Variants in MAP3K3 observed in about 807,000 individuals in gnomAD.
MAP3K3 encodes mitogen-activated protein kinase kinase kinase 3.
MAP3K3 carries 12 observed loss-of-function variants against 80.9 expected under a neutral mutation model. The ratio of observed to expected loss-of-function variants is 0.15; its 90% CI spans 0.10 to 0.24. The LOEUF is 0.24. Among genes scored for constraint, MAP3K3 ranks in the 10% least tolerant of loss-of-function variants. The probability of loss-of-function intolerance (pLI) is 1.00; values close to 1 mark genes in which losing one functional copy is unlikely to be tolerated. For missense variants in MAP3K3, 596 were observed against 834.7 expected, an observed-to-expected ratio of 0.71 and a Z score of 3.52; for synonymous variants, 272 against 307.1, an observed-to-expected ratio of 0.89 and a Z score of 1.19.
rs775019440 is a variant in MAP3K3 at position 63,693,722 on chromosome 17, A to G, written c.1826A>G (p.Gln609Arg). Reference protein sequence around the residue: ...FLRRIFVEARQRPSAEELLTH... With the variant: ...FLRRIFVEARRRPSAEELLTH... The stretch of plus-strand genomic sequence containing the variant: ...AGGCGCATTTTTGTGGAGGCTCGCC[A>G]GAGACCTTCAGCTGAGGAGCTGCTC... Residue 609 changes from glutamine (Q) to arginine (R), a missense_variant, in exon 16 of 16, where the codon CAG becomes CGG. Transcript: ENST00000361733. This position sits in a 1 kb window ranked among gnomAD's most constrained non-coding sequence, Gnocchi z 4.2. 39 of 1,603,696 alleles carry G rather than the reference A, an allele frequency of 2.4e-5. No individual in the cohort carries two copies. The South Asian group carries it at 3.5e-4, about 15-fold the overall frequency.
At chr17:63,684,298 A>C (rs1219541288) in intron 7 of MAP3K3, among the ~76,000 whole-genome samples, 3 of 152,188 alleles carry the variant, frequency 2.0e-5, no homozygotes, top group Admixed American at 2.0e-4. Context: ...TTCCTCCACC[A>C]CACCTGCCAT....
At chr17:63,675,308 G>T (rs1235996059) in intron 6 of MAP3K3, among the ~76,000 whole-genome samples, 3 of 152,188 alleles carry the variant, frequency 2.0e-5, no homozygotes, top group Middle Eastern at 3.2e-3. Context: ...TGTCCCTGAA[G>T]AGAGAAAAGA....
At chr17:63,626,794 C>T (rs1054819224) in intron 1 of MAP3K3, among the ~76,000 whole-genome samples, 1 of 152,092 alleles carries the variant, frequency 6.6e-6, no homozygotes, top group South Asian at 2.1e-4. Flanking sequence ...GTGGGCAGTG[C>T]GATCAGACGA....
In MAP3K3 at chr17:63,681,824, G is replaced by A. The variant is rs1178116266; in HGVS notation, c.561G>A (p.Gln187=). Residue 187 remains glutamine, a synonymous_variant, in exon 7 of 16, where the codon CAG becomes CAA. Transcript: ENST00000361733. ...CTGGCTATGTTCCTGAGCGGCAGCAGCACATTGCCCGGCAGGGGTCCTACA... is the reference window on the plus strand; with the variant it reads ...CTGGCTATGTTCCTGAGCGGCAGCAACACATTGCCCGGCAGGGGTCCTACA... ...PPPGYVPERQ[Q]HIARQGSYTS... The A allele has an allele frequency of 5.2e-6, 8 of 1,550,244 alleles. No individual in the cohort carries two copies. The Admixed American group carries it at 5.7e-5, about 11-fold the overall frequency.
intron 6 of MAP3K3, among the ~76,000 whole-genome samples, chr17:63,678,191 A>G (rs1020454789): frequency 2.0e-5 from 3 of 152,148 alleles, no homozygotes; most frequent in Non-Finnish European, 4.4e-5. Context: ...GGATGATGAT[A>G]ATGCACCACC....
chr17:63,661,959 T>C (rs2034900771), intron 5 of MAP3K3, among the ~76,000 whole-genome samples: 1 of 151,540 alleles, frequency 6.6e-6, no homozygotes, highest in South Asian at 2.1e-4. Context: ...AAAAATTAGC[T>C]GGGCGTGGTG....
intron 5 of MAP3K3, among the ~76,000 whole-genome samples, chr17:63,658,635 C>G (rs2143396763): frequency 6.6e-6 from 1 of 152,122 alleles, no homozygotes; most frequent in East Asian, 1.9e-4. Context: ...ACAGGCTTTC[C>G]TTTTCTTTAT....
chr17:63,675,397 C>T (rs908244976), intron 6 of MAP3K3, among the ~76,000 whole-genome samples: 7 of 152,198 alleles, frequency 4.6e-5, no homozygotes, highest in Non-Finnish European at 1.0e-4. Flanking sequence ...GACCCAAAGC[C>T]CTAGAACTCC....
At chr17:63,642,369 G>A (rs1814686725) in intron 2 of MAP3K3, among the ~76,000 whole-genome samples, 2 of 152,096 alleles carry the variant, frequency 1.3e-5, no homozygotes, top group African/African-American at 4.8e-5. Context: ...TAAATATAAT[G>A]TTGTCCCAGG....
intron 7 of MAP3K3, 78 bp downstream of exon 7, chr17:63,681,977 A>C: frequency 8.1e-7 from 1 of 1,233,720 alleles, no homozygotes. Flanking sequence ...CTTAGTAGTC[A>C]CAGTGCAGAA....
Position 63,632,741 on chromosome 17 carries a change from G to T in MAP3K3, c.65G>T (p.Arg22Leu). Residue 22 changes from arginine (R) to leucine (L), a missense_variant, in exon 2 of 16, where the codon CGT becomes CTT. By Grantham distance (102) the Arg-to-Leu change is moderately radical (BLOSUM62 -2). This residue lies in a region of MAP3K3 where 232 missense variants were observed against 245.8 expected (regional missense o/e 0.94). Coordinates refer to ENST00000361733, the MANE Select transcript of MAP3K3 (RefSeq NM_002401.5). ...CTGGTGGCCCTCCAGATGAACCGACGTCACCGGATGCCTGGATATGAGACC... is the reference window on the plus strand; with the variant it reads ...CTGGTGGCCCTCCAGATGAACCGACTTCACCGGATGCCTGGATATGAGACC... ...NDLVALQMNRRHRMPGYETMK... is the reference protein window; with the variant it reads ...NDLVALQMNRLHRMPGYETMK... 3 of 1,614,050 alleles carry T rather than the reference G, an allele frequency of 1.9e-6. No homozygotes were observed. Among genetic ancestry groups the T allele is most frequent in the Non-Finnish European group, 2.5e-6 (3 of 1,179,984 alleles).
At chr17:63,681,976 C>G in intron 7 of MAP3K3, 77 bp downstream of exon 7, 2 of 1,259,938 alleles carry the variant, frequency 1.6e-6, no homozygotes, top group Non-Finnish European at 2.1e-6. Flanking sequence ...TCTTAGTAGT[C>G]ACAGTGCAGA....
At chr17:63,657,966 C>T in intron 5 of MAP3K3, 59 bp downstream of exon 5, 2 of 927,326 alleles carry the variant, frequency 2.2e-6, no homozygotes, top group Non-Finnish European at 1.7e-6. Flanking sequence ...CCTTCAGGAA[C>T]TTGTCTCGCC....
intron 3 of MAP3K3, among the ~76,000 whole-genome samples, chr17:63,649,200 G>T (rs1291093358): frequency 6.6e-6 from 1 of 152,136 alleles, no homozygotes; most frequent in Non-Finnish European, 1.5e-5. Context: ...ACTTTGGGAG[G>T]CTGAGGCAGG....
rs1405033518 is a variant in MAP3K3, at chr17:63,691,806, T to C, written c.1418T>C (p.Ile473Thr). Residue 473 changes from isoleucine to threonine, a missense_variant, in exon 14 of 16, where the codon ATC becomes ACC. Ile to Thr is a moderately conservative substitution (Grantham distance 89, BLOSUM62 -1). Transcript: ENST00000361733. The surrounding 1 kb of genome is among the most constrained non-coding windows in gnomAD (Gnocchi z 4.8). ...GTGACCCGAAAGTACACGCGGCAGA[T>C]CCTGGAGGGCATGTCCTACCTGCAC... ...ESVTRKYTRQ[I>T]LEGMSYLHSN... 9 of 1,613,944 alleles carry C rather than the reference T, an allele frequency of 5.6e-6. No individual in the cohort carries two copies. The highest frequency in any genetic ancestry group is 7.6e-6 in the Non-Finnish European group (9 of 1,180,012).
chr17:63,652,509 A>T, intron 3 of MAP3K3, 48 bp from the exon 4 acceptor site: 1 of 1,222,980 alleles, frequency 8.2e-7, no homozygotes, highest in Non-Finnish European at 1.2e-6. Flanking sequence ...TTTAAACCCT[A>T]CGTTTTAAGT....
chr17:63,634,767 C>T, intron 2 of MAP3K3: 1 of 1,614,074 alleles, frequency 6.2e-7, no homozygotes, highest in East Asian at 2.2e-5. Context: ...ACAACAAGCT[C>T]ATGTGCAGGG....
At chr17:63,623,419 A>G (rs2034035532) in intron 1 of MAP3K3, among the ~76,000 whole-genome samples, 1 of 152,166 alleles carries the variant, frequency 6.6e-6, no homozygotes, top group Non-Finnish European at 1.5e-5. Context: ...TAGAATTCAC[A>G]TCCTACTTTT....
intron 2 of MAP3K3, among the ~76,000 whole-genome samples, chr17:63,643,910 C>G (rs2034493242): frequency 6.6e-6 from 1 of 152,190 alleles, no homozygotes; most frequent in Non-Finnish European, 1.5e-5. Context: ...CTGTGTGACA[C>G]TTAAGTTGTA....
Sources: gnomAD v4.1 joint callset for allele counts (sites outside exome capture counted in the v4.1 genomes callset) on GRCh38, gnomAD v4.1.1 for gene constraint, gnomAD v4.1.1 regional missense constraint, Gnocchi (gnomAD v3.1) non-coding constraint, MANE v1.5 for transcripts, NCBI Gene and HGNC (gene_info 2026-07-23, HGNC 2026-07-21) for gene names.